The following ATL1 variants were observed in gnomAD, a reference collection of about 807,000 sequenced individuals.
ATL1 encodes the protein atlastin GTPase 1.
Under a neutral mutation model 75.5 loss-of-function variants are expected in ATL1, and 31 were observed. That is an observed-to-expected ratio of 0.41 (90% CI 0.31 to 0.55). ATL1 has a LOEUF of 0.55. ATL1 is among the 20% of genes least tolerant of loss of function. ATL1 has a pLI of 0.27. For synonymous variants in ATL1, 226 were observed against 233.3 expected, an observed-to-expected ratio of 0.97 and a Z score of 0.28; for missense variants, 405 against 662.6, an observed-to-expected ratio of 0.61 and a Z score of 4.27.
intron 11 of ATL1, among the ~76,000 whole-genome samples, chr14:50,624,953 CCA>C: frequency 6.7e-6 from 1 of 149,398 alleles, no homozygotes; most frequent in East Asian, 1.9e-4. Flanking sequence ...GCCCATAGTC[CCA>C]GTTACTTGGG....
intron 7 of ATL1, 129 bp from the exon 8 acceptor site, chr14:50,614,244 A>C: frequency 9.8e-7 from 1 of 1,015,576 alleles, no homozygotes; most frequent in Non-Finnish European, 1.5e-6. Context: ...TTCTTTCTTT[A>C]GTAGCAGCCC....
chr14:50,540,067 G>C (rs984062268), intron 1 of ATL1, among the ~76,000 whole-genome samples: 3 of 152,190 alleles, frequency 2.0e-5, no homozygotes, highest in Non-Finnish European at 4.4e-5. Flanking sequence ...GCCCTCAGTG[G>C]ATTAGAGATG....
chr14:50,559,680 C>G (rs1211220878), upstream of ATL1: 1 of 152,524 alleles, frequency 6.6e-6, no homozygotes, highest in Non-Finnish European at 1.5e-5. Context: ...AGACAAACTA[C>G]TCAGTATACA....
chr14:50,572,915 G>A (rs1185402923), intron 1 of ATL1, among the ~76,000 whole-genome samples: 1 of 152,086 alleles, frequency 6.6e-6, no homozygotes, highest in African/African-American at 2.4e-5. Flanking sequence ...TGCATGGCTG[G>A]GGAGGCCTCA....
At chr14:50,534,568 G>A (rs934723780) in intron 1 of ATL1, among the ~76,000 whole-genome samples, 4 of 152,216 alleles carry the variant, frequency 2.6e-5, no homozygotes, top group African/African-American at 9.6e-5. Context: ...GAGGTCATAG[G>A]CTTCAACAAG....
intron 6 of ATL1, among the ~76,000 whole-genome samples, chr14:50,606,784 G>A (rs916659339): frequency 2.6e-5 from 4 of 152,042 alleles, no homozygotes; most frequent in East Asian, 1.9e-4. Flanking sequence ...ACAAAAACAC[G>A]TGAGACAAGA....
rs781364352 is a variant in ATL1, at chr14:50,628,234, C to G, written c.1323C>G (p.Ile441Met). 6.2e-7 allele frequency: 1 copy of G among 1,614,064 alleles called. No homozygotes were observed. Among genetic ancestry groups the G allele is most frequent in the African/African-American group, 1.3e-5 (1 of 74,924 alleles). The change falls in exon 12 of 14, where the codon ATC becomes ATG. Residue 441 changes from isoleucine to methionine, a missense_variant. Around this residue, in one of 5 missense-constraint regions of ATL1, gnomAD observed 163 missense variants for 244.1 expected, o/e 0.67. Coordinates refer to ENST00000358385, the MANE Select transcript of ATL1 (RefSeq NM_015915.5). ...QYIKHNDSKN[I>M]FHAARTPATL... The stretch of plus-strand genomic sequence containing the variant: ...TCAAGCACAATGATAGCAAAAATAT[C>G]TTCCATGCAGCTCGTACCCCAGCCA...
At chr14:50,626,105 TGGA>T (rs1050343281) in intron 11 of ATL1, among the ~76,000 whole-genome samples, 1 of 152,206 alleles carries the variant, frequency 6.6e-6, no homozygotes, top group Admixed American at 6.5e-5. Flanking sequence ...AGAGCGCTGA[TGGA>T]GATGTATTTA....
rs761099386 is a variant in ATL1, at chr14:50,632,303, G to A, written c.1641G>A (p.Ser547=). ...ATCAAGCTTTCCCTACACCAAAGTC[G>A]GAATCTACTGAACAATCAGAAAAGA... is the stretch of plus-strand genomic sequence containing the variant. The part of the protein sequence containing the change: ...LYHQAFPTPK[S]ESTEQSEKKK... The change falls in exon 14 of 14, where the codon TCG becomes TCA. Residue 547 remains serine (S), a synonymous_variant. Coordinates refer to ENST00000358385, the MANE Select transcript of ATL1 (RefSeq NM_015915.5). 3.5e-5 allele frequency: 57 copies of A among 1,613,056 alleles called. No individual in the cohort carries two copies. Among genetic ancestry groups the A allele is most frequent in the East Asian group, 2.9e-4 (13 of 44,782 alleles).
intron 11 of ATL1, 110 bp from the exon 12 acceptor site, chr14:50,627,920 TC>T: frequency 1.0e-6 from 1 of 985,182 alleles, no homozygotes; most frequent in Non-Finnish European, 1.6e-6. Flanking sequence ...ATATGCAGGC[TC>T]CTGATTATTA....
At chr14:50,576,552 G>A (rs1216735896) in intron 1 of ATL1, among the ~76,000 whole-genome samples, 4 of 152,146 alleles carry the variant, frequency 2.6e-5, no homozygotes, top group African/African-American at 9.7e-5. Context: ...GAGGAAACTT[G>A]TTATGCATTC....
chr14:50,543,373 C>A (rs2038590217), intron 1 of ATL1, among the ~76,000 whole-genome samples: 1 of 152,192 alleles, frequency 6.6e-6, no homozygotes, highest in African/African-American at 2.4e-5. Flanking sequence ...GGAAGAGTGA[C>A]CTGTCATCAT....
intron 1 of ATL1, among the ~76,000 whole-genome samples, chr14:50,546,184 A>C (rs924536176): frequency 6.6e-6 from 1 of 152,228 alleles, no homozygotes; most frequent in Non-Finnish European, 1.5e-5. Flanking sequence ...ACTGCTATGA[A>C]AACTACTTTA....
chr14:50,602,285 A>G (rs2039278445), intron 6 of ATL1, among the ~76,000 whole-genome samples: 1 of 152,104 alleles, frequency 6.6e-6, no homozygotes, highest in South Asian at 2.1e-4. Context: ...TTGTCCTCTC[A>G]GTTCTGCTGG....
In ATL1 at chr14:50,625,771, G is replaced by A. The variant is rs143562420; in HGVS notation, c.1120-2260G>A. On this transcript the variant is annotated intron_variant, in intron 11 of 13. Transcript: ENST00000358385. ...TAAAAATACAAAAAATTAGCCGGGC[G>A]CAGAGGCGGGCACCTGTAGTCCCAG... Among the ~76,000 whole-genome samples, 289 of 152,084 alleles carry A rather than the reference G, an allele frequency of 1.9e-3. 1 individual carries two copies. Among genetic ancestry groups the A allele is most frequent in the African/African-American group, 4.0e-3 (167 of 41,482 alleles).
At chr14:50,589,672 A>G (rs763550556) in intron 2 of ATL1, among the ~76,000 whole-genome samples, 18 of 152,218 alleles carry the variant, frequency 1.2e-4, no homozygotes, top group Non-Finnish European at 2.6e-4. Flanking sequence ...GTGGAAATTA[A>G]GTATTGGAGA....
chr14:50,574,133 G>C (rs936944835), intron 1 of ATL1, among the ~76,000 whole-genome samples: 1 of 152,068 alleles, frequency 6.6e-6, no homozygotes, highest in Admixed American at 6.6e-5. Flanking sequence ...CTTATACTCC[G>C]TGCCTGTTCC....
At chr14:50,582,284 A>C (rs987600342) in intron 1 of ATL1, among the ~76,000 whole-genome samples, 2 of 152,132 alleles carry the variant, frequency 1.3e-5, no homozygotes, top group East Asian at 1.9e-4. Flanking sequence ...ATCTCAACAA[A>C]AGAAATTTAA....
chr14:50,553,652 G>A (rs1189980729), intron 1 of ATL1, among the ~76,000 whole-genome samples: 1 of 152,150 alleles, frequency 6.6e-6, no homozygotes, highest in Non-Finnish European at 1.5e-5. Flanking sequence ...GAATGCACAC[G>A]CATGTTTGTA....
Sources: gnomAD v4.1 joint callset for allele counts (sites outside exome capture counted in the v4.1 genomes callset) on GRCh38, gnomAD v4.1.1 for gene constraint, gnomAD v4.1.1 regional missense constraint, MANE v1.5 for transcripts, NCBI Gene and HGNC (gene_info 2026-07-23, HGNC 2026-07-21) for gene names.